HACE1: variants seen among roughly 807,000 people sequenced by gnomAD.
HACE1 encodes the protein E3 ubiquitin-protein ligase HACE1.
HACE1 carries 73 observed loss-of-function variants against 118.4 expected under a neutral mutation model. That is an observed-to-expected ratio of 0.62 (90% CI 0.51 to 0.75). HACE1 has a LOEUF of 0.75. HACE1 is among the 30% of genes least tolerant of loss of function. The pLI, the probability that HACE1 is intolerant of heterozygous loss-of-function variation, is 0.00. For missense variants in HACE1, 749 were observed against 1,102.2 expected (o/e 0.68, Z 4.54); for synonymous variants, 368 against 374.8 (o/e 0.98, Z 0.21).
chr6:104,838,722 A>G (rs891484855), intron 5 of HACE1, among the ~76,000 whole-genome samples: 1 of 151,942 alleles, frequency 6.6e-6, no homozygotes, highest in African/African-American at 2.4e-5. Flanking sequence ...TAACCAAAGC[A>G]AAAACGGACA....
At chr6:104,855,124 A>T (rs536402785) in intron 1 of HACE1, among the ~76,000 whole-genome samples, 2 of 152,308 alleles carry the variant, frequency 1.3e-5, no homozygotes, top group South Asian at 4.1e-4. Flanking sequence ...CAGTGGCATT[A>T]TGTGGCTGAT....
chr6:104,845,759 A>G (rs2499656), intron 4 of HACE1: 151,959 of 152,346 alleles, frequency 1, 75,786 homozygotes, highest in Non-Finnish European at 1. Context: ...TTACAGGCTT[A>G]AGCCACCACA....
chr6:104,821,006 C>A (rs922771126), intron 6 of HACE1, among the ~76,000 whole-genome samples: 27 of 152,206 alleles, frequency 1.8e-4, no homozygotes, highest in African/African-American at 6.0e-4. Flanking sequence ...TACTATGCAG[C>A]CATAAAAAAG....
At chr6:104,790,853 C>T (rs1183195124) in intron 11 of HACE1, among the ~76,000 whole-genome samples, 1 of 152,144 alleles carries the variant, frequency 6.6e-6, no homozygotes, top group South Asian at 2.1e-4. Flanking sequence ...AAAACATTAA[C>T]AAGAGCAATT....
At position 104,781,646 on chromosome 6, in the gene HACE1, T is replaced by C. The variant is rs76256701; in HGVS notation, c.1566+2440A>G. Among the ~76,000 whole-genome samples, 613 of 152,268 alleles carry C rather than the reference T, an allele frequency of 4.0e-3. 5 individuals are homozygous for C. Among genetic ancestry groups the C allele is most frequent in the African/African-American group, 0.014 (595 of 41,556 alleles). Reference sequence around the variant, plus strand: ...AACCTGCAACCCCACTCCCTTGGTATGTAACCAATCTCCAATCACTGACAT... The same window carrying C: ...AACCTGCAACCCCACTCCCTTGGTACGTAACCAATCTCCAATCACTGACAT... On this transcript the variant is annotated intron_variant, in intron 14 of 23. Coordinates refer to ENST00000262903, the MANE Select transcript of HACE1 (RefSeq NM_020771.4).
chr6:104,739,944 G>T (rs1201885525), intron 22 of HACE1, among the ~76,000 whole-genome samples: 2 of 151,664 alleles, frequency 1.3e-5, no homozygotes, highest in Admixed American at 1.3e-4. Flanking sequence ...AAATGTAAAA[G>T]AACAGAAATT....
intron 22 of HACE1, among the ~76,000 whole-genome samples, chr6:104,742,342 A>T (rs1231727910): frequency 4.8e-5 from 7 of 144,618 alleles, no homozygotes; most frequent in Admixed American, 2.7e-4. Flanking sequence ...GCTTCTGCAC[A>T]GCAAAAGAAA....
chr6:104,752,528 AC>A (rs1778171218), intron 19 of HACE1, among the ~76,000 whole-genome samples: 1 of 151,904 alleles, frequency 6.6e-6, no homozygotes, highest in South Asian at 2.1e-4. Flanking sequence ...CCCTAAAGAG[AC>A]TTTTTCCCAA....
chr6:104,829,001 T>C (rs1332620259), intron 6 of HACE1, among the ~76,000 whole-genome samples: 2 of 152,066 alleles, frequency 1.3e-5, no homozygotes, highest in Admixed American at 1.3e-4. Context: ...TCCATGCCTC[T>C]TTGAAAAGAG....
chr6:104,744,587 T>C lies in HACE1; in HGVS notation c.2367A>G (p.Pro789=). 6.2e-7 allele frequency: 1 copy of C among 1,600,324 alleles called. No individual in the cohort carries two copies. The change falls in exon 21 of 24, where the codon CCA becomes CCG. Residue 789 remains proline (P), a synonymous_variant. Transcript: ENST00000262903. ...TTATCCAATCACTCACATCAATTTC[T>C]GGCATGCCAGAAAGCAGTAGCTCCT... ...YELELLLSGM[P]EIDVSDWIKN...
intron 14 of HACE1, among the ~76,000 whole-genome samples, chr6:104,783,092 T>A: frequency 6.6e-6 from 1 of 152,172 alleles, no homozygotes; most frequent in East Asian, 1.9e-4. Flanking sequence ...ACACAAAATT[T>A]CTGCTGCAAT....
At position 104,756,398 on chromosome 6, in the gene HACE1, C is replaced by A. The variant is rs186141115; in HGVS notation, c.2212-5926G>T. ...CTGCACCCCAGCCTGAGTGACAGAG[C>A]CAGATTCCATCTCAAAAAAAAAAAA... is the stretch of plus-strand genomic sequence containing the variant. On this transcript the variant is annotated intron_variant, in intron 19 of 23. Coordinates refer to ENST00000262903, the MANE Select transcript of HACE1 (RefSeq NM_020771.4). Among the ~76,000 whole-genome samples, 547 of 129,620 alleles carry A rather than the reference C, an allele frequency of 4.2e-3. 4 individuals carry two copies. Among genetic ancestry groups the A allele is most frequent in the African/African-American group, 0.016 (531 of 32,748 alleles). 85.0% of individuals were successfully genotyped at this position (129,620 alleles called of 152,430 possible).
chr6:104,847,072 C>G (rs1042640664), intron 4 of HACE1, among the ~76,000 whole-genome samples: 7 of 152,046 alleles, frequency 4.6e-5, no homozygotes, highest in African/African-American at 1.7e-4. Context: ...AAAACTATTT[C>G]TTTTCTCTGT....
At chr6:104,858,680 A>T (rs1409780078) in intron 1 of HACE1, 1 of 185,836 alleles carries the variant, frequency 5.4e-6, no homozygotes. Context: ...AACTACTACA[A>T]TTAAGAAAAA....
chr6:104,791,035 T>C (rs1782969245), intron 11 of HACE1, among the ~76,000 whole-genome samples: 1 of 152,142 alleles, frequency 6.6e-6, no homozygotes, highest in South Asian at 2.1e-4. Context: ...TCCTTGCAGT[T>C]ATCTCAGGAA....
intron 20 of HACE1, among the ~76,000 whole-genome samples, chr6:104,748,332 G>A (rs1230816518): frequency 6.6e-6 from 1 of 151,962 alleles, no homozygotes; most frequent in Non-Finnish European, 1.5e-5. Flanking sequence ...ATCATAAAAG[G>A]TGTGTAACTT....
At chr6:104,749,472 C>T (rs1279393114) in intron 20 of HACE1, among the ~76,000 whole-genome samples, 20 of 151,962 alleles carry the variant, frequency 1.3e-4, no homozygotes, top group Admixed American at 1.3e-3. Flanking sequence ...AATACTGATA[C>T]ATATGTAAAA....
At chr6:104,843,721 A>G (rs2115170203) in intron 4 of HACE1, among the ~76,000 whole-genome samples, 1 of 152,320 alleles carries the variant, frequency 6.6e-6, no homozygotes, top group East Asian at 1.9e-4. Flanking sequence ...CATAACACTA[A>G]GATGTTACAA....
At chr6:104,849,119 A>T (rs754432975) in intron 4 of HACE1, 23 bp downstream of exon 4, 10 of 1,293,748 alleles carry the variant, frequency 7.7e-6, no homozygotes, top group Admixed American at 3.4e-5. Context: ...AACTTAAGCC[A>T]CTTAAGAAAA....
Sources: allele counts gnomAD v4.1 joint callset (sites outside exome capture counted in the v4.1 genomes callset), GRCh38; gene constraint gnomAD v4.1.1; transcripts MANE v1.5; gene names NCBI Gene and HGNC (gene_info 2026-07-23, HGNC 2026-07-21).